GPR39: variants seen among roughly 807,000 people sequenced by gnomAD.
GPR39 encodes the protein G protein-coupled receptor 39.
A neutral mutation model predicts 18.4 loss-of-function variants in GPR39; 23 were observed. The observed-to-expected ratio is 1.25, with a 90% confidence interval of 0.90 to 1.77. The LOEUF (loss-of-function observed/expected upper bound fraction) is 1.77, where lower values mean the gene tolerates loss of function less well. GPR39 is among the 40% of genes most tolerant of loss of function. The pLI, the probability that GPR39 is intolerant of heterozygous loss-of-function variation, is 0.00. For synonymous variants in GPR39, 280 were observed against 257.9 expected (o/e 1.09, Z -0.82); for missense variants, 647 against 602.4 (o/e 1.07, Z -0.78).
chr2:132,472,202 C>T (rs1167720935), intron 1 of GPR39, among the ~76,000 whole-genome samples: 1 of 152,182 alleles, frequency 6.6e-6, no homozygotes, highest in Admixed American at 6.5e-5. Flanking sequence ...TTAACATCAT[C>T]TTGTCTAACT....
chr2:132,582,855 A>C (rs1170619214), intron 1 of GPR39, among the ~76,000 whole-genome samples: 1 of 151,236 alleles, frequency 6.6e-6, no homozygotes, highest in Non-Finnish European at 1.5e-5. Context: ...TCACTTAGTG[A>C]TTCACAACAA....
At chr2:132,512,391 G>A (rs1311061557) in intron 1 of GPR39, among the ~76,000 whole-genome samples, 3 of 152,108 alleles carry the variant, frequency 2.0e-5, no homozygotes, top group Admixed American at 6.5e-5. Context: ...ATAAGGGGGG[G>A]TACAGCCCCC....
chr2:132,443,569 C>G (rs922026807), intron 1 of GPR39, among the ~76,000 whole-genome samples: 1 of 152,126 alleles, frequency 6.6e-6, no homozygotes, highest in African/African-American at 2.4e-5. Context: ...CTAGGCTGAG[C>G]TATGATGTGG....
chr2:132,490,849 G>T (rs1244784746), intron 1 of GPR39, among the ~76,000 whole-genome samples: 2 of 152,168 alleles, frequency 1.3e-5, no homozygotes, highest in Non-Finnish European at 2.9e-5. Flanking sequence ...AGCAGCAAGA[G>T]CCTCTCTAAC....
At chr2:132,497,815 A>T (rs16832374) in intron 1 of GPR39, among the ~76,000 whole-genome samples, 5,826 of 151,612 alleles carry the variant, frequency 0.038, 358 homozygotes, top group African/African-American at 0.13. Context: ...ATTGAGAAAC[A>T]GATTATCTCT....
At chr2:132,419,890 C>G (rs1198368391) in intron 1 of GPR39, among the ~76,000 whole-genome samples, 6 of 152,186 alleles carry the variant, frequency 3.9e-5, no homozygotes, top group African/African-American at 1.2e-4. Flanking sequence ...TATCGTTACT[C>G]TATTTGACCA....
chr2:132,573,483 C>A (rs889748792), intron 1 of GPR39, among the ~76,000 whole-genome samples: 2 of 152,102 alleles, frequency 1.3e-5, no homozygotes, highest in Non-Finnish European at 2.9e-5. Context: ...GCCAATCTCC[C>A]AGCAAAGTTG....
intron 1 of GPR39, among the ~76,000 whole-genome samples, chr2:132,590,571 C>T (rs971419170): frequency 5.9e-5 from 9 of 151,904 alleles, no homozygotes; most frequent in African/African-American, 2.2e-4. Flanking sequence ...TGCATTGAGA[C>T]CACAAGGGTA....
intron 1 of GPR39, among the ~76,000 whole-genome samples, chr2:132,493,194 A>G (rs1290063714): frequency 7.2e-6 from 1 of 138,824 alleles, no homozygotes; most frequent in Non-Finnish European, 1.5e-5. Context: ...ATATATATAC[A>G]CCATATATAC....
At chr2:132,440,866 C>T (rs910392731) in intron 1 of GPR39, among the ~76,000 whole-genome samples, 13 of 152,310 alleles carry the variant, frequency 8.5e-5, no homozygotes, top group Admixed American at 7.8e-4. Flanking sequence ...CCTTGCAGGG[C>T]GTGACTTTCC....
At chr2:132,445,305 T>G (rs1389569014) in intron 1 of GPR39, among the ~76,000 whole-genome samples, 1 of 152,190 alleles carries the variant, frequency 6.6e-6, no homozygotes, top group Non-Finnish European at 1.5e-5. Context: ...ATGACATGAT[T>G]TTACATGCCT....
chr2:132,492,614 C>A (rs571799603), intron 1 of GPR39, among the ~76,000 whole-genome samples: 69 of 77,540 alleles, frequency 8.9e-4, no homozygotes, highest in African/African-American at 2.3e-3. Context: ...TACACACCAT[C>A]TATATATACA....
At chr2:132,420,675 G>T (rs1252826252) in intron 1 of GPR39, among the ~76,000 whole-genome samples, 1 of 152,204 alleles carries the variant, frequency 6.6e-6, no homozygotes, top group Non-Finnish European at 1.5e-5. Flanking sequence ...AATTAAGATT[G>T]TTCGCCGCTC....
intron 1 of GPR39, among the ~76,000 whole-genome samples, chr2:132,552,066 T>C (rs1025242838): frequency 6.6e-6 from 1 of 152,150 alleles, no homozygotes; most frequent in East Asian, 1.9e-4. Flanking sequence ...GAATGGCAGA[T>C]AAAAAATATT....
chr2:132,609,448 A>G (rs953061440), intron 1 of GPR39, among the ~76,000 whole-genome samples: 2 of 152,194 alleles, frequency 1.3e-5, no homozygotes, highest in African/African-American at 4.8e-5. Context: ...AGGTGAAATC[A>G]CTTATACAAA....
intron 1 of GPR39, among the ~76,000 whole-genome samples, chr2:132,440,370 T>C (rs1253519619): frequency 1.3e-5 from 2 of 152,126 alleles, no homozygotes; most frequent in Non-Finnish European, 2.9e-5. Flanking sequence ...GGTGGTGACA[T>C]GAGAACACGA....
intron 1 of GPR39, among the ~76,000 whole-genome samples, chr2:132,492,720 A>G (rs145331750): frequency 0.015 from 2,090 of 139,312 alleles, 21 homozygotes; most frequent in Non-Finnish European, 0.023. Context: ...TACACACCAT[A>G]TATATACCAT....
chr2:132,593,284 C>T (rs1237056977), intron 1 of GPR39, among the ~76,000 whole-genome samples: 2 of 152,144 alleles, frequency 1.3e-5, no homozygotes, highest in African/African-American at 4.8e-5. Flanking sequence ...CTTCAGCTCC[C>T]CTCCTCTCCC....
intron 1 of GPR39, among the ~76,000 whole-genome samples, chr2:132,536,113 G>T (rs542349783): frequency 9.0e-4 from 137 of 151,610 alleles, no homozygotes; most frequent in Middle Eastern, 6.9e-3. Context: ...TCTTCTGCTA[G>T]CTTTTGGATT....
Sources: allele counts gnomAD v4.1 joint callset (sites outside exome capture counted in the v4.1 genomes callset), GRCh38; gene constraint gnomAD v4.1.1; transcripts MANE v1.5; gene names NCBI Gene and HGNC (gene_info 2026-07-23, HGNC 2026-07-21).